Variants in BGN observed in about 807,000 individuals in gnomAD.
BGN encodes biglycan, also known as bone/cartilage proteoglycan-I.
Under a neutral mutation model 20.0 loss-of-function variants are expected in BGN, and 6 were observed. The ratio of observed to expected loss-of-function variants is 0.30; its 90% CI spans 0.16 to 0.59. BGN has a LOEUF of 0.59. Among genes scored for constraint, BGN ranks in the 20% least tolerant of loss-of-function variants. The pLI is 0.88. For synonymous variants in BGN, 146 were observed against 134.6 expected, an observed-to-expected ratio of 1.08 and a Z score of -0.59; for missense variants, 292 against 312.1, an observed-to-expected ratio of 0.94 and a Z score of 0.49.
chrX:153,499,163 G>A (rs782516403), intron 1 of BGN, among the ~76,000 whole-genome samples: 285 of 112,504 alleles, frequency 2.5e-3, no homozygotes, highest in Non-Finnish European at 4.4e-3. Context: ...AACGGGGGAC[G>A]GCAGGATGCT....
At position 153,509,100 on chromosome X, in the gene BGN, T is replaced by C. The variant is rs1246198853; in HGVS notation, c.*655T>C. 3 of 108,335 alleles carry C rather than the reference T, an allele frequency of 2.8e-5. No individual in the cohort carries two copies. Among genetic ancestry groups the C allele is most frequent in the Non-Finnish European group, 5.7e-5 (3 of 52,917 alleles). The allele number at this position is 108,335 out of a possible 1,213,427, so 8.9% of individuals were successfully genotyped here. On this transcript the variant is annotated 3_prime_UTR_variant, in exon 8 of 8. Coordinates refer to ENST00000331595, the MANE Select transcript of BGN (RefSeq NM_001711.6). ...GTGTGTGTGTGTGTGTGTGTGTGTG[T>C]GTGTGTCTTGTGCTTCCTCAGACCT...
At chrX:153,505,750 TG>T in intron 3 of BGN, 112 bp from the exon 4 acceptor site, 1 of 557,328 alleles carries the variant, frequency 1.8e-6, no homozygotes, top group Non-Finnish European at 2.6e-6. Flanking sequence ...CTCACAAGCA[TG>T]GACTGAACCT....
chrX:153,504,938 A>G, intron 2 of BGN, 69 bp downstream of exon 2: 1 of 1,013,302 alleles, frequency 9.9e-7, no homozygotes, highest in East Asian at 3.0e-5. Context: ...GCCCCTTCTG[A>G]AGGGGACACA....
chrX:153,506,704 G>A (rs1262369927), intron 5 of BGN, 65 bp downstream of exon 5: 4 of 1,156,742 alleles, frequency 3.5e-6, no homozygotes, highest in Non-Finnish European at 4.7e-6. Context: ...TGGCCAGGGT[G>A]GGGGCTCTGG....
chrX:153,501,380 T>C (rs2089759977), intron 1 of BGN, among the ~76,000 whole-genome samples: 1 of 112,907 alleles, frequency 8.9e-6, no homozygotes, highest in Non-Finnish European at 1.9e-5. Flanking sequence ...CCCAGAGACA[T>C]GGCTGGAGCC....
chrX:153,506,734 G>C, intron 5 of BGN, 95 bp downstream of exon 5: 1 of 1,151,440 alleles, frequency 8.7e-7, no homozygotes, highest in Non-Finnish European at 1.2e-6. Flanking sequence ...ATCTACTCAG[G>C]GAAAGGCTCA....
intron 7 of BGN, 107 bp from the exon 8 acceptor site, chrX:153,508,141 T>G (rs1556993678): frequency 3.5e-6 from 3 of 856,457 alleles, no homozygotes; most frequent in Non-Finnish European, 5.1e-6. Flanking sequence ...GCCTCTGGTG[T>G]GGCCCTTGAA....
In BGN at chrX:153,505,216, G is replaced by A. The variant is rs2089790716; in HGVS notation, c.239-22G>A. 6.9e-6 allele frequency: 8 copies of A among 1,158,493 alleles called. No homozygotes were observed. The Admixed American group carries it at 1.8e-4, about 26-fold the overall frequency. ...GCCCCTAGGTCTCAAGTTCATGCTG[G>A]TGATGGGGGTGGGGCCCCTAGGTCT... is the stretch of plus-strand genomic sequence containing the variant. On this transcript the variant is annotated intron_variant, in intron 2 of 7. Coordinates refer to ENST00000331595, the MANE Select transcript of BGN (RefSeq NM_001711.6).
chrX:153,500,614 T>C (rs1165382539), intron 1 of BGN, among the ~76,000 whole-genome samples: 1 of 112,927 alleles, frequency 8.9e-6, no homozygotes, highest in Admixed American at 9.3e-5. Context: ...TATGTATATG[T>C]GAATGTGTGT....
intron 1 of BGN, among the ~76,000 whole-genome samples, chrX:153,497,898 T>C (rs1017245311): frequency 1.1e-4 from 12 of 112,513 alleles, no homozygotes; most frequent in Middle Eastern, 4.6e-3. Context: ...CTTCTTCCCC[T>C]GCCCCGTCAT....
At chrX:153,501,900 G>A (rs950537026) in intron 1 of BGN, among the ~76,000 whole-genome samples, 5 of 111,757 alleles carry the variant, frequency 4.5e-5, no homozygotes, top group African/African-American at 1.6e-4. Context: ...AGACCCCCCA[G>A]ACATCCTACT....
chrX:153,504,096 C>T lies in BGN; in HGVS notation c.-11-525C>T, dbSNP rs782496523. The stretch of plus-strand genomic sequence containing the variant: ...GTGGAGGGAGGAAGCAACTCAGAGT[C>T]GCCGCACTCAACTAACTTCATCCAC... On this transcript the variant is annotated intron_variant, in intron 1 of 7. Coordinates refer to ENST00000331595, the MANE Select transcript of BGN (RefSeq NM_001711.6). Among the ~76,000 whole-genome samples, 176 of 112,120 alleles carry T rather than the reference C, an allele frequency of 1.6e-3. 2 individuals are homozygous for T. Among genetic ancestry groups the T allele is most frequent in the African/African-American group, 5.3e-3 (164 of 30,874 alleles).
intron 1 of BGN, 129 bp from the exon 2 acceptor site, chrX:153,504,492 G>A (rs1011834909): frequency 9.1e-6 from 5 of 552,375 alleles, no homozygotes; most frequent in African/African-American, 4.7e-5. Context: ...TCCGCCTCCC[G>A]CTCCAGGGTC....
Position 153,508,989 on chromosome X carries a change from C to T in BGN, c.*544C>T, listed in dbSNP as rs180936485. The T allele has an allele frequency of 2.4e-3, 290 of 118,436 alleles. 3 individuals are homozygous for T. Among genetic ancestry groups the T allele is most frequent in the African/African-American group, 9.3e-3 (280 of 30,006 alleles). 9.8% of individuals were successfully genotyped at this position (118,436 alleles called of 1,213,427 possible). On this transcript the variant is annotated 3_prime_UTR_variant, in exon 8 of 8. Coordinates refer to ENST00000331595, the MANE Select transcript of BGN (RefSeq NM_001711.6). Reference sequence around the variant, plus strand: ...CCAGACCCCTGCTCCACTGGCCCTTCGACCAGTCCTCCCTTCTGTTCTCTC... The same window carrying T: ...CCAGACCCCTGCTCCACTGGCCCTTTGACCAGTCCTCCCTTCTGTTCTCTC...
rs376287190 is a variant in BGN, at chrX:153,504,757, G to A, written c.126G>A (p.Ser42=). The change falls in exon 2 of 8, where the codon TCG becomes TCA. Residue 42 remains serine, a synonymous_variant. Transcript: ENST00000331595. ...TCATGATGAACGATGAGGAAGCTTC[G>A]GGCGCTGACACCTCGGGCGTCCTGG... is the stretch of plus-strand genomic sequence containing the variant. ...GPFMMNDEEA[S]GADTSGVLDP... The A allele has an allele frequency of 9.6e-5, 116 of 1,210,197 alleles. No homozygotes were observed. Among genetic ancestry groups the A allele is most frequent in the Middle Eastern group, 4.6e-4 (2 of 4,375 alleles).
At chrX:153,507,679 C>T (rs1352594287) in intron 7 of BGN, among the ~76,000 whole-genome samples, 2 of 113,516 alleles carry the variant, frequency 1.8e-5, no homozygotes, top group Admixed American at 9.2e-5. Context: ...GAGCCAGCAC[C>T]GCGCAGGCCA....
intron 1 of BGN, among the ~76,000 whole-genome samples, chrX:153,498,053 G>A (rs181632827): frequency 1.6e-4 from 18 of 112,553 alleles, no homozygotes; most frequent in African/African-American, 4.8e-4. Flanking sequence ...GTCAGGTCCC[G>A]GCTCCCTGGC....
intron 7 of BGN, 58 bp from the exon 8 acceptor site, chrX:153,508,190 C>A: frequency 1.7e-6 from 2 of 1,157,752 alleles, no homozygotes; most frequent in Admixed American, 4.4e-5. Flanking sequence ...CTCCTGGAGG[C>A]AGCGGGCTTG....
Position 153,508,774 on chromosome X carries a change from A to G in BGN, c.*329A>G. ...CCCAAGTGTCCAAGGCTCCAGTCCT[A>G]GGAGAACAGTCCCTGGGTCAGCAGC... On this transcript the variant is annotated 3_prime_UTR_variant, in exon 8 of 8. Coordinates refer to ENST00000331595, the MANE Select transcript of BGN (RefSeq NM_001711.6). 1 of 327,266 alleles carries G rather than the reference A, an allele frequency of 3.1e-6. No individual in the cohort carries two copies. The highest frequency in any genetic ancestry group is 5.4e-6 in the Non-Finnish European group (1 of 185,560). 27.0% of individuals were successfully genotyped at this position (327,266 alleles called of 1,213,427 possible). A position where few individuals can be genotyped will look rare whatever the true frequency, so the allele number is the denominator to read the frequency against.
Sources: allele counts gnomAD v4.1 joint callset (sites outside exome capture counted in the v4.1 genomes callset), GRCh38; gene constraint gnomAD v4.1.1; transcripts MANE v1.5; gene names NCBI Gene and HGNC (gene_info 2026-07-23, HGNC 2026-07-21).